The following TNS3 variants were observed in gnomAD, a reference collection of about 807,000 sequenced individuals.
TNS3 encodes tensin 3, also known as tensin-3.
Under a neutral mutation model 140.9 loss-of-function variants are expected in TNS3, and 45 were observed. The ratio of observed to expected loss-of-function variants is 0.32; its 90% CI spans 0.25 to 0.41. The LOEUF is 0.41. TNS3 is among the 10% of genes least tolerant of loss of function. TNS3 has a pLI of 1.00. For missense variants in TNS3, 1,716 were observed against 1,906.7 expected, an observed-to-expected ratio of 0.90 and a Z score of 1.86; for synonymous variants, 815 against 788.4, an observed-to-expected ratio of 1.03 and a Z score of -0.56.
At chr7:47,507,805 G>A (rs1328044460) in intron 2 of TNS3, among the ~76,000 whole-genome samples, 1 of 152,172 alleles carries the variant, frequency 6.6e-6, no homozygotes, top group African/African-American at 2.4e-5. Flanking sequence ...CCAAGGGAAC[G>A]TCGGGTACAT....
chr7:47,352,469 G>A (rs1789743726), intron 17 of TNS3, among the ~76,000 whole-genome samples: 2 of 152,320 alleles, frequency 1.3e-5, no homozygotes, highest in South Asian at 2.1e-4. Flanking sequence ...GTCCGTGATG[G>A]TGGAGGGTCA....
At chr7:47,523,153 C>G (rs1799052245) in intron 2 of TNS3, among the ~76,000 whole-genome samples, 1 of 152,046 alleles carries the variant, frequency 6.6e-6, no homozygotes, top group Non-Finnish European at 1.5e-5. Flanking sequence ...TAGATGGTGC[C>G]TCCTTACTGC....
intron 4 of TNS3, among the ~76,000 whole-genome samples, chr7:47,460,029 C>T (rs1319530168): frequency 6.6e-6 from 1 of 151,908 alleles, no homozygotes; most frequent in Non-Finnish European, 1.5e-5. Flanking sequence ...CTGGCTAACA[C>T]GGTGAAACCT....
chr7:47,460,547 G>A lies in TNS3; in HGVS notation c.-75-18492C>T, dbSNP rs1319693615. Among the ~76,000 whole-genome samples, 8 of 152,236 alleles carry A rather than the reference G, an allele frequency of 5.3e-5. No homozygotes were observed. The East Asian group carries it at 1.5e-3, about 29-fold the overall frequency. ...CCTTCAGCTCCCAGGATGGGCAGGT[G>A]GCCTGGAGATGCTCACCTGCCGCCC... On this transcript the variant is annotated intron_variant, in intron 4 of 30. Coordinates refer to ENST00000311160, the MANE Select transcript of TNS3 (RefSeq NM_022748.12).
rs1278410848 is a variant in TNS3, at chr7:47,276,588, C to G, written c.*1488G>C. The G allele has an allele frequency of 6.6e-6, 1 of 152,200 alleles. No homozygotes were observed. The highest frequency in any genetic ancestry group is 6.5e-5 in the Admixed American group (1 of 15,270). 9.4% of individuals were successfully genotyped at this position (152,200 alleles called of 1,614,324 possible). A position where few individuals can be genotyped will look rare whatever the true frequency, so the allele number is the denominator to read the frequency against. ...CACCTAGGCTGTGAGAGGATGGGGC[C>G]AAGGCCTTATTCTGATGTGGCCCAG... On this transcript the variant is annotated 3_prime_UTR_variant, in exon 31 of 31. Coordinates refer to ENST00000311160, the MANE Select transcript of TNS3 (RefSeq NM_022748.12).
In TNS3 at chr7:47,398,235, A is replaced by T. The variant is rs929761494; in HGVS notation, c.920-1331T>A. Among the ~76,000 whole-genome samples, 14 of 152,312 alleles carry T rather than the reference A, an allele frequency of 9.2e-5. No homozygotes were observed. The South Asian group carries it at 1.9e-3, about 20-fold the overall frequency. On this transcript the variant is annotated intron_variant, in intron 15 of 30. Coordinates refer to ENST00000311160, the MANE Select transcript of TNS3 (RefSeq NM_022748.12). ...ACAGCTGAATTCTACCATCCATTCAAAGAAGAACTGGTGCCAATCCTACTG... is the reference window on the plus strand; with the variant it reads ...ACAGCTGAATTCTACCATCCATTCATAGAAGAACTGGTGCCAATCCTACTG...
At chr7:47,302,310 C>A in intron 22 of TNS3, 38 bp from the exon 23 acceptor site, 1 of 1,535,084 alleles carries the variant, frequency 6.5e-7, no homozygotes, top group South Asian at 1.1e-5. Flanking sequence ...CCATGATGGG[C>A]ACTTTTCTTC....
intron 13 of TNS3, among the ~76,000 whole-genome samples, chr7:47,401,150 A>G (rs1221049381): frequency 3.3e-5 from 5 of 152,150 alleles, no homozygotes; most frequent in African/African-American, 1.2e-4. Flanking sequence ...GGAGGCTTCA[A>G]TGTGTTCCCT....
Position 47,332,457 on chromosome 7 carries a change from C to A in TNS3, c.2650+12298G>T, listed in dbSNP as rs146163108. Among the ~76,000 whole-genome samples, 77 of 152,324 alleles carry A rather than the reference C, an allele frequency of 5.1e-4. No homozygotes were observed. In the East Asian group the frequency reaches 0.014, roughly 28 times the overall value. The stretch of plus-strand genomic sequence containing the variant: ...TTCAAAGCAGCGAGGAGGAGACAAG[C>A]CCAGGCTCAGGCCCGAGCTGTGGAT... On this transcript the variant is annotated intron_variant, in intron 20 of 30. Coordinates refer to ENST00000311160, the MANE Select transcript of TNS3 (RefSeq NM_022748.12).
chr7:47,581,249 C>G (rs932400462), intron 1 of TNS3, among the ~76,000 whole-genome samples: 2 of 152,098 alleles, frequency 1.3e-5, no homozygotes, highest in Admixed American at 6.5e-5. Context: ...CCTCCTCCTG[C>G]TTGTCAGCGA....
chr7:47,408,129 G>A (rs1397826577), intron 13 of TNS3, among the ~76,000 whole-genome samples: 1 of 152,086 alleles, frequency 6.6e-6, no homozygotes, highest in African/African-American at 2.4e-5. Flanking sequence ...GCTGGAGAAC[G>A]CCAGCCCAGG....
chr7:47,560,122 A>G (rs1213551182), intron 1 of TNS3, among the ~76,000 whole-genome samples: 2 of 150,774 alleles, frequency 1.3e-5, no homozygotes, highest in Admixed American at 6.6e-5. Context: ...CCGCCCCCCT[A>G]CCCCCAATTC....
At chr7:47,491,142 GA>G (rs1241806803) in intron 3 of TNS3, among the ~76,000 whole-genome samples, 1 of 152,236 alleles carries the variant, frequency 6.6e-6, no homozygotes, top group African/African-American at 2.4e-5. Flanking sequence ...CAGAGAGGCA[GA>G]GGGGCAGCCT....
intron 2 of TNS3, among the ~76,000 whole-genome samples, chr7:47,518,583 C>T (rs947696612): frequency 6.6e-6 from 1 of 152,196 alleles, no homozygotes; most frequent in African/African-American, 2.4e-5. Flanking sequence ...ATTCCCAGCA[C>T]TTTGGGAGGC....
chr7:47,459,696 G>A (rs1172623521), intron 4 of TNS3, among the ~76,000 whole-genome samples: 1 of 152,128 alleles, frequency 6.6e-6, no homozygotes, highest in East Asian at 1.9e-4. Context: ...ATTAATGAAG[G>A]AGGGGCAGGG....
At chr7:47,370,810 C>T (rs1327833518) in intron 16 of TNS3, among the ~76,000 whole-genome samples, 1 of 152,244 alleles carries the variant, frequency 6.6e-6, no homozygotes, top group African/African-American at 2.4e-5. Context: ...ACGTGAGCCA[C>T]TACCTAACAG....
chr7:47,426,355 C>A (rs1794649964), intron 9 of TNS3, among the ~76,000 whole-genome samples: 1 of 152,084 alleles, frequency 6.6e-6, no homozygotes, highest in Admixed American at 6.5e-5. Flanking sequence ...CATAACATAT[C>A]CATTGAATAA....
At chr7:47,479,194 G>A (rs1797318986) in intron 4 of TNS3, among the ~76,000 whole-genome samples, 1 of 152,212 alleles carries the variant, frequency 6.6e-6, no homozygotes. Context: ...CCTGCAACCG[G>A]CATCTTTAGA....
intron 27 of TNS3, among the ~76,000 whole-genome samples, chr7:47,290,977 G>C (rs1265846060): frequency 1.3e-5 from 2 of 151,798 alleles, no homozygotes; most frequent in African/African-American, 4.8e-5. Flanking sequence ...GATACACCCA[G>C]ACAAGGAAAT....
Sources: gnomAD v4.1 joint callset for allele counts (sites outside exome capture counted in the v4.1 genomes callset) on GRCh38, gnomAD v4.1.1 for gene constraint, MANE v1.5 for transcripts, NCBI Gene and HGNC (gene_info 2026-07-23, HGNC 2026-07-21) for gene names.